Variants in SLC15A1 observed in about 807,000 individuals in gnomAD.
The protein encoded by SLC15A1 is solute carrier family 15 member 1.
A neutral mutation model predicts 92.9 loss-of-function variants in SLC15A1; 83 were observed. The ratio of observed to expected loss-of-function variants is 0.89; its 90% CI spans 0.75 to 1.07. The LOEUF (loss-of-function observed/expected upper bound fraction) is 1.07, where lower values mean the gene tolerates loss of function less well. Among genes scored for constraint, SLC15A1 ranks in the 50% least tolerant of loss-of-function variants. The probability of loss-of-function intolerance (pLI) is 0.00; values close to 1 mark genes in which losing one functional copy is unlikely to be tolerated. For missense variants in SLC15A1, 857 were observed against 880.1 expected (o/e 0.97, Z 0.33); for synonymous variants, 322 against 318.2 (o/e 1.01, Z -0.13).
intron 12 of SLC15A1, 45 bp from the exon 13 acceptor site, chr13:98,709,819 GGAA>G: frequency 6.2e-7 from 1 of 1,614,118 alleles, no homozygotes; most frequent in Non-Finnish European, 8.5e-7. Context: ...GTCATGAAAG[GGAA>G]GAAGAAAGGG....
chr13:98,749,098 T>A (rs1363426080), intron 1 of SLC15A1, among the ~76,000 whole-genome samples: 1 of 152,226 alleles, frequency 6.6e-6, no homozygotes, highest in Non-Finnish European at 1.5e-5. Flanking sequence ...CTTCCTTCAG[T>A]GTGGGACCAC....
Position 98,747,259 on chromosome 13 carries a change from G to T in SLC15A1, c.4+5336C>A, listed in dbSNP as rs549129537. Among the ~76,000 whole-genome samples the T allele has an allele frequency of 9.5e-4, 145 of 152,298 alleles. 1 individual carries two copies. The highest frequency in any genetic ancestry group is 6.0e-3 in the South Asian group (29 of 4,826). ...TGTCCTCAAGGAAGAATGTGGAAAG[G>T]TTCCTCAGGCCTGACCCTTGTTTTT... On this transcript the variant is annotated intron_variant, in intron 1 of 22. Coordinates refer to ENST00000376503, the MANE Select transcript of SLC15A1 (RefSeq NM_005073.4).
intron 15 of SLC15A1, 27 bp downstream of exon 15, chr13:98,708,659 A>C (rs902673105): frequency 2.5e-6 from 4 of 1,596,388 alleles, no homozygotes; most frequent in Non-Finnish European, 3.4e-6. Context: ...CCAGGAAAGG[A>C]CATGGGAGAA....
At chr13:98,729,102 C>T (rs556253625) in intron 1 of SLC15A1, among the ~76,000 whole-genome samples, 2 of 150,512 alleles carry the variant, frequency 1.3e-5, no homozygotes, top group South Asian at 4.2e-4. Context: ...GACGGATATT[C>T]CAAATACCCA....
Position 98,688,153 on chromosome 13 carries a change from C to A in SLC15A1, c.1683+95G>T, listed in dbSNP as rs574140971. The A allele has an allele frequency of 2.2e-5, 18 of 806,396 alleles. No homozygotes were observed. The South Asian group carries it at 3.2e-4, about 14-fold the overall frequency. The allele number at this position is 806,396 out of a possible 1,614,324, so 50.0% of individuals were successfully genotyped here. On this transcript the variant is annotated intron_variant, in intron 20 of 22. Coordinates refer to ENST00000376503, the MANE Select transcript of SLC15A1 (RefSeq NM_005073.4). ...ATTTAAAATACAGATCCTAATATCA[C>A]TCTAGTTAAATCATATTATGTCCTA...
At chr13:98,702,386 A>G (rs1460955737) in intron 18 of SLC15A1, 94 bp downstream of exon 18, 1 of 906,440 alleles carries the variant, frequency 1.1e-6, no homozygotes. Flanking sequence ...CTATAATCTC[A>G]TTTTATATCC....
At chr13:98,721,682 G>T in intron 6 of SLC15A1, 97 bp from the exon 7 acceptor site, 2 of 1,276,082 alleles carry the variant, frequency 1.6e-6, no homozygotes, top group Non-Finnish European at 2.2e-6. Flanking sequence ...AGTTTTGGTT[G>T]GTATCTTACT....
rs148982942 is a variant in SLC15A1, at chr13:98,691,791, G to A, written c.1467-3214C>T. On this transcript the variant is annotated intron_variant, in intron 18 of 22. Coordinates refer to ENST00000376503, the MANE Select transcript of SLC15A1 (RefSeq NM_005073.4). ...AACCTCCAATGAAAATGGAAAGCTT[G>A]AGCGGGGCACGGTGGCTCACGCTTG... Among the ~76,000 whole-genome samples the A allele has an allele frequency of 2.7e-3, 404 of 152,078 alleles. 2 individuals are homozygous for A. The highest frequency in any genetic ancestry group is 9.2e-3 in the African/African-American group (380 of 41,492).
chr13:98,708,793 C>T lies in SLC15A1; in HGVS notation c.1068-26G>A, dbSNP rs747120579. On this transcript the variant is annotated intron_variant, in intron 14 of 22. Coordinates refer to ENST00000376503, the MANE Select transcript of SLC15A1 (RefSeq NM_005073.4). ...CTGATGGCACAAGAGAAGAGTGACT[C>T]TCAACCAGTTTCACATAGATGAGCT... 135 of 1,583,722 alleles carry T rather than the reference C, an allele frequency of 8.5e-5. No homozygotes were observed. In the South Asian group the frequency reaches 1.4e-3, roughly 17 times the overall value.
intron 18 of SLC15A1, among the ~76,000 whole-genome samples, chr13:98,694,983 T>C: frequency 7.9e-6 from 1 of 125,808 alleles, no homozygotes; most frequent in East Asian, 2.2e-4. Flanking sequence ...ATCACACCAC[T>C]GCACTCCAAC....
chr13:98,727,935 C>T (rs2088316406), intron 1 of SLC15A1, among the ~76,000 whole-genome samples: 1 of 152,166 alleles, frequency 6.6e-6, no homozygotes, highest in South Asian at 2.1e-4. Context: ...CTGGAGTGTG[C>T]CTCAGAATCA....
Position 98,709,678 on chromosome 13 carries a change from G to A in SLC15A1, c.979-18C>T. 1 of 1,614,142 alleles carries A rather than the reference G, an allele frequency of 6.2e-7. No homozygotes were observed. Among genetic ancestry groups the A allele is most frequent in the South Asian group, 1.1e-5 (1 of 91,070 alleles). ...TTCACGGTCTGCAGAGGAAGTGGAG[G>A]AGAAATGTTAAGCTTGTCTCAAAGA... is the stretch of plus-strand genomic sequence containing the variant. On this transcript the variant is annotated intron_variant, in intron 13 of 22. Coordinates refer to ENST00000376503, the MANE Select transcript of SLC15A1 (RefSeq NM_005073.4).
At chr13:98,692,325 TA>T (rs1237379207) in intron 18 of SLC15A1, among the ~76,000 whole-genome samples, 3 of 151,838 alleles carry the variant, frequency 2.0e-5, no homozygotes, top group Admixed American at 6.6e-5. Flanking sequence ...GGCTAATTTT[TA>T]AATTCTTATA....
intron 1 of SLC15A1, among the ~76,000 whole-genome samples, chr13:98,731,065 T>C (rs2088346719): frequency 6.6e-6 from 1 of 152,216 alleles, no homozygotes; most frequent in South Asian, 2.1e-4. Flanking sequence ...CACAACTCTT[T>C]CCTTCCAGGT....
intron 1 of SLC15A1, among the ~76,000 whole-genome samples, chr13:98,734,757 G>C (rs549206646): frequency 6.6e-6 from 1 of 152,058 alleles, no homozygotes; most frequent in East Asian, 1.9e-4. Flanking sequence ...TAAATTCCTG[G>C]ACACATACAC....
At chr13:98,715,244 G>A (rs2088203759) in intron 9 of SLC15A1, among the ~76,000 whole-genome samples, 2 of 152,044 alleles carry the variant, frequency 1.3e-5, no homozygotes, top group Non-Finnish European at 1.5e-5. Flanking sequence ...GCACAATCTC[G>A]GCTCACTGCA....
intron 5 of SLC15A1, 115 bp downstream of exon 5, chr13:98,723,797 G>T: frequency 7.0e-7 from 1 of 1,433,418 alleles, no homozygotes; most frequent in African/African-American, 1.4e-5. Context: ...TGCCCAAGGG[G>T]GAGGAAAAAC....
chr13:98,749,193 G>C (rs767711851), intron 1 of SLC15A1, among the ~76,000 whole-genome samples: 1 of 152,172 alleles, frequency 6.6e-6, no homozygotes, highest in Non-Finnish European at 1.5e-5. Context: ...AGGAGGAGGA[G>C]AGAATGTGGA....
At chr13:98,689,041 G>A (rs1480394060) in intron 18 of SLC15A1, among the ~76,000 whole-genome samples, 2 of 152,176 alleles carry the variant, frequency 1.3e-5, no homozygotes, top group Non-Finnish European at 2.9e-5. Context: ...CCAGGTTCAA[G>A]CGATTTTCCT....
Sources: gnomAD v4.1 joint callset for allele counts (sites outside exome capture counted in the v4.1 genomes callset) on GRCh38, gnomAD v4.1.1 for gene constraint, MANE v1.5 for transcripts, NCBI Gene and HGNC (gene_info 2026-07-23, HGNC 2026-07-21) for gene names.